The following TNRC6B variants were observed in gnomAD, a reference collection of about 807,000 sequenced individuals.
TNRC6B encodes the protein trinucleotide repeat-containing gene 6B protein.
A neutral mutation model predicts 203.6 loss-of-function variants in TNRC6B; 52 were observed. The ratio of observed to expected loss-of-function variants is 0.26; its 90% confidence interval spans 0.20 to 0.32. TNRC6B has a LOEUF of 0.32. TNRC6B is among the 10% of genes least tolerant of loss of function. TNRC6B has a pLI of 1.00. For missense variants in TNRC6B, 1,923 were observed against 2,286.2 expected, an observed-to-expected ratio of 0.84 and a Z score of 3.24; for synonymous variants, 838 against 845.7, an observed-to-expected ratio of 0.99 and a Z score of 0.16.
chr22:40,168,923 A>G (rs1415263110), intron 4 of TNRC6B, among the ~76,000 whole-genome samples: 1 of 152,092 alleles, frequency 6.6e-6, no homozygotes, highest in African/African-American at 2.4e-5. Context: ...CAGCCATGTT[A>G]TATCTCTATT....
intron 1 of TNRC6B, among the ~76,000 whole-genome samples, chr22:40,226,653 A>AC (rs1171357786): frequency 2.0e-5 from 3 of 152,350 alleles, no homozygotes; most frequent in Admixed American, 1.3e-4. Flanking sequence ...AGAGTTGAGA[A>AC]CACATGGTCA....
intron 12 of TNRC6B, among the ~76,000 whole-genome samples, chr22:40,286,159 A>G (rs2070777366): frequency 1.3e-5 from 2 of 152,210 alleles, no homozygotes; most frequent in African/African-American, 4.8e-5. Context: ...GGTTGCCCTC[A>G]AGGATTCACC....
chr22:40,154,861 ATAT>A (rs1382082864), intron 3 of TNRC6B, among the ~76,000 whole-genome samples: 46 of 18,434 alleles, frequency 2.5e-3, no homozygotes, highest in Non-Finnish European at 3.2e-3. Context: ...AAAAAAAAAA[ATAT>A]ATATATATAT....
At chr22:40,088,037 C>T (rs1351252860) in intron 1 of TNRC6B, among the ~76,000 whole-genome samples, 1 of 152,146 alleles carries the variant, frequency 6.6e-6, no homozygotes, top group Non-Finnish European at 1.5e-5. Context: ...TTCCTGCTTA[C>T]CTTGTACTTA....
chr22:40,170,893 A>G lies in TNRC6B; in HGVS notation c.113+14711A>G, dbSNP rs1485913629. On this transcript the variant is annotated intron_variant, in intron 4 of 23. Coordinates refer to the TNRC6B transcript ENST00000301923. The stretch of plus-strand genomic sequence containing the variant: ...TGTACATATATGTGTGTATACATAT[A>G]TACCTATATATGTGCATATATGTGT... Among the ~76,000 whole-genome samples the G allele has an allele frequency of 2.9e-5, 4 of 139,060 alleles. 1 individual carries two copies. The highest frequency in any genetic ancestry group is 4.4e-4 in the South Asian group (2 of 4,522). 91.2% of individuals were successfully genotyped at this position (139,060 alleles called of 152,430 possible).
intron 1 of TNRC6B, among the ~76,000 whole-genome samples, chr22:40,075,160 T>A (rs56273817): frequency 0.042 from 3,304 of 78,128 alleles, 57 homozygotes; most frequent in African/African-American, 0.15. Context: ...ATATATATTT[T>A]TTTTTTTTTT....
At chr22:40,280,438 T>C (rs1003326773) in intron 10 of TNRC6B, among the ~76,000 whole-genome samples, 3 of 152,252 alleles carry the variant, frequency 2.0e-5, no homozygotes, top group African/African-American at 7.2e-5. Context: ...TTTCCGCTGC[T>C]GTGCAGCTAC....
At chr22:40,157,056 T>C (rs2146354114) in intron 4 of TNRC6B, among the ~76,000 whole-genome samples, 1 of 152,182 alleles carries the variant, frequency 6.6e-6, no homozygotes, top group South Asian at 2.1e-4. Flanking sequence ...ATTGCAGGTG[T>C]GAGGCATCGT....
intron 1 of TNRC6B, among the ~76,000 whole-genome samples, chr22:40,185,418 A>G (rs1321025513): frequency 6.6e-6 from 1 of 152,182 alleles, no homozygotes; most frequent in Admixed American, 6.5e-5. Context: ...AAGGCCATAT[A>G]CTCTCATTAC....
intron 4 of TNRC6B, among the ~76,000 whole-genome samples, chr22:40,164,756 G>C (rs1414977293): frequency 1.2e-5 from 1 of 83,022 alleles, no homozygotes; most frequent in Admixed American, 1.5e-4. Flanking sequence ...GTAAAATTCT[G>C]TCTCAAAAAA....
chr22:40,289,540 C>G (rs1055963808), intron 12 of TNRC6B, among the ~76,000 whole-genome samples: 2 of 152,140 alleles, frequency 1.3e-5, no homozygotes, highest in African/African-American at 2.4e-5. Context: ...AGTTCCCCTC[C>G]TTTCTGAAGC....
At chr22:40,310,762 C>A in intron 16 of TNRC6B, 55 bp from the exon 17 acceptor site, 1 of 1,498,188 alleles carries the variant, frequency 6.7e-7, no homozygotes, top group Non-Finnish European at 9.0e-7. Context: ...AAAAAATAGA[C>A]AAGTTCTATT....
At chr22:40,213,576 A>G (rs2069592901) in intron 1 of TNRC6B, among the ~76,000 whole-genome samples, 1 of 152,198 alleles carries the variant, frequency 6.6e-6, no homozygotes. Context: ...TGCTCTGTAG[A>G]AAATGTATCA....
intron 1 of TNRC6B, among the ~76,000 whole-genome samples, chr22:40,068,446 T>G (rs960957369): frequency 6.6e-6 from 1 of 151,754 alleles, no homozygotes; most frequent in Non-Finnish European, 1.5e-5. Flanking sequence ...GCCTCCTGAG[T>G]AGCTGGGACT....
chr22:40,060,256 T>C (rs928450512), intron 1 of TNRC6B, among the ~76,000 whole-genome samples: 1 of 151,918 alleles, frequency 6.6e-6, no homozygotes, highest in African/African-American at 2.4e-5. Context: ...AGTCTCACTC[T>C]GTTGCCCAGG....
chr22:40,113,847 T>C (rs545165783), intron 1 of TNRC6B, among the ~76,000 whole-genome samples: 2 of 152,288 alleles, frequency 1.3e-5, no homozygotes, highest in African/African-American at 4.8e-5. Flanking sequence ...TGCTCCTCCC[T>C]CACATCTGCT....
chr22:40,137,527 G>A (rs376714583), intron 3 of TNRC6B, among the ~76,000 whole-genome samples: 6 of 152,258 alleles, frequency 3.9e-5, no homozygotes, highest in African/African-American at 7.2e-5. Context: ...TGCTTTGTGC[G>A]TATTCAGAGC....
chr22:40,183,773 C>A (rs1302539002), intron 1 of TNRC6B, among the ~76,000 whole-genome samples: 2 of 152,002 alleles, frequency 1.3e-5, no homozygotes, highest in Non-Finnish European at 2.9e-5. Context: ...TTGCTCACTG[C>A]AACCTCCGCC....
In TNRC6B at chr22:40,315,449, C is replaced by T. The variant is rs1400991029; in HGVS notation, c.4845C>T (p.Ser1615=). 1 of 1,614,030 alleles carries T rather than the reference C, an allele frequency of 6.2e-7. No homozygotes were observed. The highest frequency in any genetic ancestry group is 1.3e-5 in the African/African-American group (1 of 75,046). The change falls in exon 20 of 23, where the codon AGC becomes AGT. Residue 1615 remains serine, a synonymous_variant. Transcript: ENST00000454349. Reference sequence around the variant, plus strand: ...ACCCCAAACCATCATCTCCCTGGAGCAGCACAGCACCCCGATCAGTCAGGG... The same window carrying T: ...ACCCCAAACCATCATCTCCCTGGAGTAGCACAGCACCCCGATCAGTCAGGG... ...LTNPKPSSPW[S]STAPRSVRGW...
Sources: gnomAD v4.1 joint callset for allele counts (sites outside exome capture counted in the v4.1 genomes callset) on GRCh38, gnomAD v4.1.1 for gene constraint, MANE v1.5 for transcripts, NCBI Gene and HGNC (gene_info 2026-07-23, HGNC 2026-07-21) for gene names.